The following WNT3A variants were observed in gnomAD, a reference collection of about 807,000 sequenced individuals.
WNT3A encodes the protein Wnt family member 3A, also known as protein Wnt-3a.
WNT3A carries 17 observed loss-of-function variants against 37.0 expected under a neutral mutation model. That is an observed-to-expected ratio of 0.46 (90% confidence interval 0.31 to 0.69). The LOEUF (loss-of-function observed/expected upper bound fraction) is 0.69, where lower values mean the gene tolerates loss of function less well. WNT3A is among the 30% of genes least tolerant of loss of function. The probability of loss-of-function intolerance (pLI) is 0.05; values close to 1 mark genes in which losing one functional copy is unlikely to be tolerated. For synonymous variants in WNT3A, 187 were observed against 211.0 expected, an observed-to-expected ratio of 0.89 and a Z score of 0.99; for missense variants, 411 against 510.2, an observed-to-expected ratio of 0.81 and a Z score of 1.87.
intron 1 of WNT3A, 136 bp from the exon 2 acceptor site, chr1:228,022,531 A>C: frequency 8.6e-7 from 1 of 1,160,118 alleles, no homozygotes; most frequent in Non-Finnish European, 1.2e-6. Flanking sequence ...AAAATAAAAA[A>C]TCAGATTTCC....
intron 1 of WNT3A, among the ~76,000 whole-genome samples, chr1:228,013,644 G>C (rs2030442851): frequency 6.6e-6 from 1 of 152,172 alleles, no homozygotes; most frequent in South Asian, 2.1e-4. Flanking sequence ...TTAAGTCCTG[G>C]GGACCCTGGC....
intron 3 of WNT3A, among the ~76,000 whole-genome samples, chr1:228,052,085 C>G (rs759787086): frequency 3.9e-5 from 6 of 152,176 alleles, no homozygotes. Context: ...TCACGATGCT[C>G]CACCCTCATG....
Position 228,060,353 on chromosome 1 carries a change from C to T in WNT3A, c.*888C>T. 1 of 1,302,198 alleles carries T rather than the reference C, an allele frequency of 7.7e-7. No homozygotes were observed. Among genetic ancestry groups the T allele is most frequent in the Middle Eastern group, 2.2e-4 (1 of 4,646 alleles). 80.7% of individuals were successfully genotyped at this position (1,302,198 alleles called of 1,614,324 possible). A position where few individuals can be genotyped will look rare whatever the true frequency, so the allele number is the denominator to read the frequency against. ...GCCCCTGGGATCCGAGGGCCCCTCT[C>T]CAAGCGCCTGGCTTTGGAATGCTCC... On this transcript the variant is annotated 3_prime_UTR_variant, in exon 4 of 4. Coordinates refer to ENST00000284523, the MANE Select transcript of WNT3A (RefSeq NM_033131.4).
intron 3 of WNT3A, among the ~76,000 whole-genome samples, chr1:228,057,955 G>A (rs1307995369): frequency 6.6e-6 from 1 of 152,126 alleles, no homozygotes; most frequent in Non-Finnish European, 1.5e-5. Flanking sequence ...TTCTGCCTCT[G>A]CCTCCCAAGT....
chr1:228,022,923 TG>T lies in WNT3A; in HGVS notation c.313+20del. On this transcript the variant is annotated intron_variant, in intron 2 of 3. Coordinates refer to ENST00000284523, the MANE Select transcript of WNT3A (RefSeq NM_033131.4). Reference sequence around the variant, plus strand: ...GCTGGACAAAGGTATGGGGGTGGTCTGGGGGAGGGCAGATGAGTCTGGAGTG... The same window carrying T: ...GCTGGACAAAGGTATGGGGGTGGTCTGGGGAGGGCAGATGAGTCTGGAGTG... 1 of 1,591,442 alleles carries T rather than the reference TG, an allele frequency of 6.3e-7. No individual in the cohort carries two copies. The highest frequency in any genetic ancestry group is 8.6e-7 in the Non-Finnish European group (1 of 1,165,194).
At chr1:228,027,402 A>C (rs1415643457) in intron 2 of WNT3A, among the ~76,000 whole-genome samples, 1 of 152,176 alleles carries the variant, frequency 6.6e-6, no homozygotes, top group Non-Finnish European at 1.5e-5. Flanking sequence ...AGCAGTGTAT[A>C]AGCATCCTCT....
chr1:228,043,481 C>G (rs1571809373), intron 2 of WNT3A, among the ~76,000 whole-genome samples: 1 of 152,374 alleles, frequency 6.6e-6, no homozygotes, highest in East Asian at 1.9e-4. Flanking sequence ...GGATGATTTC[C>G]TGGCCTTCTG....
Position 228,050,860 on chromosome 1 carries a change from G to A in WNT3A, c.518G>A (p.Arg173Gln), listed in dbSNP as rs750227757. ...GTGTCTCGGGAGTTCGCCGACGCCC[G>A]GGAGAACCGGCCAGATGCCCGCTCA... ...GMVSREFADA[R>Q]ENRPDARSAM... The change falls in exon 3 of 4, where the codon CGG (arginine) becomes CAG (glutamine). Residue 173 changes from arginine to glutamine, a missense_variant. Physicochemically the swap from Arg to Gln is conservative, Grantham distance 43 (BLOSUM62 1). Transcript: ENST00000284523. The surrounding 1 kb of genome is among the most constrained non-coding windows in gnomAD (Gnocchi z 5.0). The A allele has an allele frequency of 6.3e-6, 10 of 1,592,208 alleles. No individual in the cohort carries two copies. The highest frequency in any genetic ancestry group is 1.3e-5 in the African/African-American group (1 of 74,156).
At chr1:228,034,144 C>T (rs182196790) in intron 2 of WNT3A, among the ~76,000 whole-genome samples, 3 of 152,222 alleles carry the variant, frequency 2.0e-5, no homozygotes, top group Admixed American at 6.5e-5. Flanking sequence ...TGCCTGTAGT[C>T]CCAGCTACTC....
chr1:228,046,100 G>A (rs940694973), intron 2 of WNT3A, among the ~76,000 whole-genome samples: 7 of 152,250 alleles, frequency 4.6e-5, no homozygotes, highest in Admixed American at 6.5e-5. Flanking sequence ...GGAAGGAACC[G>A]GAAAGAGCCC....
At chr1:228,028,463 G>A (rs578196734) in intron 2 of WNT3A, among the ~76,000 whole-genome samples, 1 of 151,912 alleles carries the variant, frequency 6.6e-6, no homozygotes, top group East Asian at 1.9e-4. Flanking sequence ...CACAATACCT[G>A]GCTAATTTTT....
In WNT3A at chr1:228,060,541, G is replaced by T. The variant is rs2031782900; in HGVS notation, c.*1076G>T. ...AGGGACTTCGCAGAGGCAAGCGACC[G>T]AGGCCCTCCCAAAGAGGCCCGCCCT... On this transcript the variant is annotated 3_prime_UTR_variant, in exon 4 of 4. Coordinates refer to ENST00000284523, the MANE Select transcript of WNT3A (RefSeq NM_033131.4). The T allele has an allele frequency of 3.7e-6, 1 of 273,620 alleles. No homozygotes were observed. 16.9% of individuals were successfully genotyped at this position (273,620 alleles called of 1,614,324 possible). A position where few individuals can be genotyped will look rare whatever the true frequency, so the allele number is the denominator to read the frequency against.
intron 3 of WNT3A, among the ~76,000 whole-genome samples, chr1:228,057,569 T>C (rs1329616974): frequency 6.6e-6 from 1 of 152,160 alleles, no homozygotes; most frequent in Non-Finnish European, 1.5e-5. Flanking sequence ...GCGAGGGATA[T>C]GTTACTCTAC....
chr1:228,008,498 G>C lies in WNT3A; in HGVS notation c.71+1299G>C, dbSNP rs993668210. On this transcript the variant is annotated intron_variant, in intron 1 of 3. Transcript: ENST00000284523. The surrounding 1 kb of genome is among the most constrained non-coding windows in gnomAD (Gnocchi z 4.9). ...AGGGCCTGGAAGAGGCCACGAGGCC[G>C]CGGGGACGCGCTTCGGGGACCCCCG... is the stretch of plus-strand genomic sequence containing the variant. Among the ~76,000 whole-genome samples the C allele has an allele frequency of 1.9e-4, 29 of 152,318 alleles. No homozygotes were observed. Among genetic ancestry groups the C allele is most frequent in the Admixed American group, 1.7e-3 (26 of 15,312 alleles).
intron 2 of WNT3A, among the ~76,000 whole-genome samples, chr1:228,043,574 C>T (rs1294677756): frequency 6.6e-6 from 1 of 152,196 alleles, no homozygotes; most frequent in Non-Finnish European, 1.5e-5. Context: ...AGCAGAAACC[C>T]CTGACAAAGG....
intron 1 of WNT3A, among the ~76,000 whole-genome samples, chr1:228,013,546 G>C (rs1049114343): frequency 3.9e-5 from 6 of 152,234 alleles, no homozygotes; most frequent in East Asian, 1.9e-4. Flanking sequence ...CGGCGGGCAG[G>C]AGGAGGTGCG....
intron 3 of WNT3A, among the ~76,000 whole-genome samples, chr1:228,057,941 G>A (rs932369171): frequency 2.0e-5 from 3 of 152,152 alleles, no homozygotes; most frequent in Non-Finnish European, 4.4e-5. Flanking sequence ...CCTGGCTCAA[G>A]CAATTCTGCC....
At chr1:228,016,236 A>G (rs1052237063) in intron 1 of WNT3A, among the ~76,000 whole-genome samples, 9 of 152,182 alleles carry the variant, frequency 5.9e-5, no homozygotes, top group African/African-American at 1.7e-4. Flanking sequence ...GACAGGGGCC[A>G]TGGAGCAAGT....
Position 228,059,925 on chromosome 1 carries a change from A to C in WNT3A, c.*460A>C, listed in dbSNP as rs1297225383. 2 of 1,055,846 alleles carry C rather than the reference A, an allele frequency of 1.9e-6. No individual in the cohort carries two copies. Among genetic ancestry groups the C allele is most frequent in the Non-Finnish European group, 2.3e-6 (2 of 872,112 alleles). 65.4% of individuals were successfully genotyped at this position (1,055,846 alleles called of 1,614,324 possible). A position where few individuals can be genotyped will look rare whatever the true frequency, so the allele number is the denominator to read the frequency against. On this transcript the variant is annotated 3_prime_UTR_variant, in exon 4 of 4. Coordinates refer to ENST00000284523, the MANE Select transcript of WNT3A (RefSeq NM_033131.4). ...AGGAGGCGGGGCTCTAGGATGGGGCACGGCTCTGGGGTAGGCTGCTCCCTG... is the reference window on the plus strand; with the variant it reads ...AGGAGGCGGGGCTCTAGGATGGGGCCCGGCTCTGGGGTAGGCTGCTCCCTG...
Sources: gnomAD v4.1 joint callset for allele counts (sites outside exome capture counted in the v4.1 genomes callset) on GRCh38, gnomAD v4.1.1 for gene constraint, Gnocchi (gnomAD v3.1) non-coding constraint, MANE v1.5 for transcripts, NCBI Gene and HGNC (gene_info 2026-07-23, HGNC 2026-07-21) for gene names.